The following KCNJ6 variants were observed in gnomAD, a reference collection of about 807,000 sequenced individuals.
KCNJ6 encodes the protein G protein-activated inward rectifier potassium channel 2.
In KCNJ6, 9 loss-of-function variants were observed where a neutral mutation model predicts 34.2. The ratio of observed to expected loss-of-function variants is 0.26; its 90% CI spans 0.16 to 0.46. The LOEUF is 0.46. Among genes scored for constraint, KCNJ6 ranks in the 20% least tolerant of loss-of-function variants. The pLI is 1.00. For missense variants in KCNJ6, 236 were observed against 531.3 expected (o/e 0.44, Z 5.46); for synonymous variants, 196 against 207.1 (o/e 0.95, Z 0.46).
chr21:37,882,557 G>A (rs545867598), intron 1 of KCNJ6, among the ~76,000 whole-genome samples: 2 of 152,278 alleles, frequency 1.3e-5, no homozygotes, highest in East Asian at 3.9e-4. Context: ...CCCATTAATG[G>A]AAGAAGGCAG....
intron 1 of KCNJ6, among the ~76,000 whole-genome samples, chr21:37,912,452 T>C (rs1030835230): frequency 7.2e-5 from 11 of 152,206 alleles, no homozygotes; most frequent in African/African-American, 1.2e-4. Context: ...ATTAGAGAAA[T>C]TGAACTTTAG....
At chr21:37,682,889 A>G (rs1354589060) in intron 3 of KCNJ6, among the ~76,000 whole-genome samples, 2 of 152,246 alleles carry the variant, frequency 1.3e-5, no homozygotes. Context: ...CTGCAAATCC[A>G]GTGGCCTCCA....
chr21:37,767,438 G>A (rs1384251013), intron 2 of KCNJ6, among the ~76,000 whole-genome samples: 1 of 152,176 alleles, frequency 6.6e-6, no homozygotes, highest in Non-Finnish European at 1.5e-5. Flanking sequence ...TCACAGAGCA[G>A]GAAGCAACCG....
chr21:37,682,673 A>G (rs1004407091), intron 3 of KCNJ6, among the ~76,000 whole-genome samples: 4 of 152,198 alleles, frequency 2.6e-5, no homozygotes, highest in Non-Finnish European at 5.9e-5. Context: ...CGTTTTTCCT[A>G]TAAGGCCCCA....
chr21:37,899,502 C>T (rs997644098), intron 1 of KCNJ6, among the ~76,000 whole-genome samples: 4 of 152,160 alleles, frequency 2.6e-5, no homozygotes, highest in African/African-American at 9.7e-5. Flanking sequence ...AACAGCATTT[C>T]AAGAAGCTAA....
intron 3 of KCNJ6, among the ~76,000 whole-genome samples, chr21:37,705,552 G>A (rs915647949): frequency 1.3e-5 from 2 of 152,120 alleles, no homozygotes; most frequent in African/African-American, 4.8e-5. Context: ...CACCTACTAC[G>A]CACCAGGCTC....
rs558840456 is a variant in KCNJ6 at position 37,622,943 on chromosome 21, C to T, written c.*2216G>A. 1 of 152,206 alleles carries T rather than the reference C, an allele frequency of 6.6e-6. No homozygotes were observed. The highest frequency in any genetic ancestry group is 1.9e-4 in the East Asian group (1 of 5,194). The allele number at this position is 152,206 out of a possible 1,614,324, so 9.4% of individuals were successfully genotyped here. ...CGACCCTGGCAAGGTTGCAGGGGAG[C>T]TCCCCAAGCCAAGAGTGCCCTTCAT... is the stretch of plus-strand genomic sequence containing the variant. On this transcript the variant is annotated 3_prime_UTR_variant, in exon 4 of 4. Coordinates refer to ENST00000609713, the MANE Select transcript of KCNJ6 (RefSeq NM_002240.5).
chr21:37,811,924 A>G (rs2123543500), intron 2 of KCNJ6, among the ~76,000 whole-genome samples: 1 of 152,344 alleles, frequency 6.6e-6, no homozygotes, highest in Middle Eastern at 3.4e-3. Flanking sequence ...TTGGAAAAAC[A>G]TTTGGCAAAC....
intron 2 of KCNJ6, among the ~76,000 whole-genome samples, chr21:37,768,117 T>C (rs2055100277): frequency 6.7e-6 from 1 of 149,614 alleles, no homozygotes; most frequent in Non-Finnish European, 1.5e-5. Context: ...TCTGTGTGAG[T>C]CATCTTGAGC....
At chr21:37,726,396 T>C (rs2054854731) in intron 2 of KCNJ6, among the ~76,000 whole-genome samples, 1 of 152,122 alleles carries the variant, frequency 6.6e-6, no homozygotes, top group Admixed American at 6.5e-5. Flanking sequence ...TTCTGTTTTA[T>C]TCACTGCTAG....
intron 1 of KCNJ6, among the ~76,000 whole-genome samples, chr21:37,876,372 G>T (rs1305050766): frequency 2.0e-5 from 3 of 152,156 alleles, no homozygotes; most frequent in Non-Finnish European, 4.4e-5. Flanking sequence ...TTCAAATCCA[G>T]GTAGTCTGAT....
intron 3 of KCNJ6, among the ~76,000 whole-genome samples, chr21:37,646,148 A>G (rs1288748596): frequency 6.6e-6 from 1 of 152,208 alleles, no homozygotes; most frequent in African/African-American, 2.4e-5. Flanking sequence ...TCAAGTGTAT[A>G]TATCAACGGA....
intron 2 of KCNJ6, among the ~76,000 whole-genome samples, chr21:37,722,332 G>A (rs1176770700): frequency 6.6e-6 from 1 of 152,176 alleles, no homozygotes; most frequent in Non-Finnish European, 1.5e-5. Flanking sequence ...TCATGGACTG[G>A]AAGAATCAAT....
intron 2 of KCNJ6, among the ~76,000 whole-genome samples, chr21:37,785,667 T>G (rs895223270): frequency 2.0e-5 from 3 of 152,158 alleles, no homozygotes; most frequent in African/African-American, 7.2e-5. Flanking sequence ...AAAACAAGTC[T>G]TTGAGGAAGG....
At chr21:37,730,241 G>T (rs858030) in intron 2 of KCNJ6, among the ~76,000 whole-genome samples, 2 of 152,156 alleles carry the variant, frequency 1.3e-5, no homozygotes, top group Admixed American at 1.3e-4. Flanking sequence ...ATGCAAAATA[G>T]GGTGAAATGT....
intron 2 of KCNJ6, among the ~76,000 whole-genome samples, chr21:37,783,527 A>T (rs995853708): frequency 6.6e-6 from 1 of 152,174 alleles, no homozygotes; most frequent in African/African-American, 2.4e-5. Context: ...GCCACATGGA[A>T]CTGTAACTCC....
chr21:37,657,855 C>T (rs190579005), intron 3 of KCNJ6, among the ~76,000 whole-genome samples: 12 of 152,318 alleles, frequency 7.9e-5, no homozygotes, highest in East Asian at 3.9e-4. Context: ...CTGGGGGAGA[C>T]GGCATCTGAG....
At chr21:37,896,235 T>G (rs2055787615) in intron 1 of KCNJ6, among the ~76,000 whole-genome samples, 1 of 152,176 alleles carries the variant, frequency 6.6e-6, no homozygotes, top group Non-Finnish European at 1.5e-5. Flanking sequence ...GTTAAACAAC[T>G]TATGAGAAAT....
intron 2 of KCNJ6, among the ~76,000 whole-genome samples, chr21:37,748,929 C>T (rs2054980855): frequency 6.6e-6 from 1 of 152,128 alleles, no homozygotes; most frequent in African/African-American, 2.4e-5. Flanking sequence ...GGTCTTTGCA[C>T]TGTGCTGTCT....
Sources: allele counts gnomAD v4.1 joint callset (sites outside exome capture counted in the v4.1 genomes callset), GRCh38; gene constraint gnomAD v4.1.1; transcripts MANE v1.5; gene names NCBI Gene and HGNC (gene_info 2026-07-23, HGNC 2026-07-21).